DRC11: variants seen among roughly 807,000 people sequenced by gnomAD.
DRC11 encodes dynein regulatory complex subunit 11, also known as IQ and AAA domain-containing protein 1.
the DRC11 span, among the ~76,000 whole-genome samples, chr2:236,420,039 T>A: frequency 3.6e-4 from 55 of 152,310 alleles, 2 homozygotes; most frequent in South Asian, 4.1e-4. This position sits in a 1 kb window ranked among gnomAD's most constrained non-coding sequence, Gnocchi z 4.8. Context: ...GCATAAGCTC[T>A]CTGAGACTCA....
At chr2:236,451,223 T>C in the DRC11 span, among the ~76,000 whole-genome samples, 2 of 152,136 alleles carry the variant, frequency 1.3e-5, no homozygotes, top group Non-Finnish European at 2.9e-5. Flanking sequence ...TGGCACTAAT[T>C]ATATTAGGGG....
At chr2:236,383,217 G>C in the DRC11 span, among the ~76,000 whole-genome samples, 1 of 152,036 alleles carries the variant, frequency 6.6e-6, no homozygotes. Flanking sequence ...ATTTCTTCTA[G>C]GTTGTCCAAC....
chr2:236,323,096 A>T, the DRC11 span, among the ~76,000 whole-genome samples: 27 of 152,350 alleles, frequency 1.8e-4, no homozygotes, highest in Non-Finnish European at 2.5e-4. The surrounding 1 kb of genome is among the most constrained non-coding windows in gnomAD (Gnocchi z 6.4). Context: ...TATTTTAAAA[A>T]ACGGTTTACT....
the DRC11 span, among the ~76,000 whole-genome samples, chr2:236,349,341 G>A: frequency 6.6e-6 from 1 of 152,148 alleles, no homozygotes; most frequent in East Asian, 1.9e-4. This position sits in a 1 kb window ranked among gnomAD's most constrained non-coding sequence, Gnocchi z 5.5. Context: ...AAAATGAGAC[G>A]TTGTATGTAA....
chr2:236,314,950 A>C, the DRC11 span, among the ~76,000 whole-genome samples: 3 of 152,206 alleles, frequency 2.0e-5, no homozygotes, highest in African/African-American at 7.2e-5. The surrounding 1 kb of genome is among the most constrained non-coding windows in gnomAD (Gnocchi z 4.5). Context: ...GCTGATTATA[A>C]ATTCCTTTAG....
At chr2:236,460,847 C>A in the DRC11 span, among the ~76,000 whole-genome samples, 1 of 152,164 alleles carries the variant, frequency 6.6e-6, no homozygotes, top group African/African-American at 2.4e-5. The surrounding 1 kb of genome is among the most constrained non-coding windows in gnomAD (Gnocchi z 4.0). Context: ...CTCCACCTCC[C>A]AGGTTCAAGC....
At chr2:236,438,566 T>C in the DRC11 span, among the ~76,000 whole-genome samples, 1 of 152,022 alleles carries the variant, frequency 6.6e-6, no homozygotes, top group Non-Finnish European at 1.5e-5. Flanking sequence ...TGATTCTTCC[T>C]ACCCATGAGC....
the DRC11 span, among the ~76,000 whole-genome samples, chr2:236,429,346 C>A: frequency 6.6e-6 from 1 of 152,198 alleles, no homozygotes; most frequent in Non-Finnish European, 1.5e-5. The surrounding 1 kb of genome is among the most constrained non-coding windows in gnomAD (Gnocchi z 5.9). Context: ...AGCTGCAGGT[C>A]ATCAACACCA....
the DRC11 span, among the ~76,000 whole-genome samples, chr2:236,434,411 T>C: frequency 2.6e-5 from 4 of 152,360 alleles, 1 homozygote; most frequent in Admixed American, 2.6e-4. This position sits in a 1 kb window ranked among gnomAD's most constrained non-coding sequence, Gnocchi z 5.5. Flanking sequence ...TAGTAACAAC[T>C]GCTACGATTT....
chr2:236,381,513 G>A, the DRC11 span, among the ~76,000 whole-genome samples: 1 of 152,124 alleles, frequency 6.6e-6, no homozygotes, highest in Non-Finnish European at 1.5e-5. The surrounding 1 kb of genome is among the most constrained non-coding windows in gnomAD (Gnocchi z 5.8). Context: ...AATTTCTGTT[G>A]TTTATAAATT....
At chr2:236,319,626 C>T in the DRC11 span, among the ~76,000 whole-genome samples, 4 of 152,116 alleles carry the variant, frequency 2.6e-5, no homozygotes, top group Admixed American at 6.5e-5. This position sits in a 1 kb window ranked among gnomAD's most constrained non-coding sequence, Gnocchi z 6.7. Flanking sequence ...GGTTCCCAAT[C>T]GACTCCCCAA....
chr2:236,388,984 G>T, the DRC11 span, among the ~76,000 whole-genome samples: 2 of 152,064 alleles, frequency 1.3e-5, no homozygotes, highest in Non-Finnish European at 2.9e-5. Context: ...GGGGGTCAGG[G>T]GTCAGGGACC....
the DRC11 span, among the ~76,000 whole-genome samples, chr2:236,491,029 G>GTATATATATATA: frequency 7.4e-6 from 1 of 135,716 alleles, no homozygotes; most frequent in Non-Finnish European, 1.5e-5. Flanking sequence ...ATATATATGT[G>GTATATATATATA]TGTATATATA....
At chr2:236,331,326 T>A in the DRC11 span, 1 of 1,459,296 alleles carries the variant, frequency 6.9e-7, no homozygotes, top group South Asian at 1.1e-5. This position sits in a 1 kb window ranked among gnomAD's most constrained non-coding sequence, Gnocchi z 4.8. Flanking sequence ...GAGTGTCTGC[T>A]GCTAAGACTT....
At chr2:236,478,500 G>A in the DRC11 span, among the ~76,000 whole-genome samples, 4 of 152,164 alleles carry the variant, frequency 2.6e-5, no homozygotes, top group African/African-American at 7.2e-5. The surrounding 1 kb of genome is among the most constrained non-coding windows in gnomAD (Gnocchi z 5.9). Context: ...AGCAAAATGT[G>A]TATTCTGCAG....
the DRC11 span, among the ~76,000 whole-genome samples, chr2:236,425,889 T>G: frequency 6.6e-6 from 1 of 152,016 alleles, no homozygotes; most frequent in African/African-American, 2.4e-5. Context: ...TCAAAGAGAC[T>G]TATCCTTCTT....
the DRC11 span, among the ~76,000 whole-genome samples, chr2:236,496,815 C>T: frequency 5.3e-5 from 8 of 152,128 alleles, no homozygotes; most frequent in Non-Finnish European, 7.4e-5. The surrounding 1 kb of genome is among the most constrained non-coding windows in gnomAD (Gnocchi z 6.3). Context: ...GAGGAGCGGG[C>T]GCTGCTACTG....
chr2:236,336,998 G>A, the DRC11 span, among the ~76,000 whole-genome samples: 1 of 152,158 alleles, frequency 6.6e-6, no homozygotes, highest in Non-Finnish European at 1.5e-5. This position sits in a 1 kb window ranked among gnomAD's most constrained non-coding sequence, Gnocchi z 7.3. Flanking sequence ...AACCCGTCGT[G>A]GGACCCAGCT....
the DRC11 span, among the ~76,000 whole-genome samples, chr2:236,373,540 C>T: frequency 3.9e-5 from 6 of 152,324 alleles, no homozygotes; most frequent in South Asian, 2.1e-4. Flanking sequence ...CATGAACCAC[C>T]GCGCTTGACC....
Sources: allele counts gnomAD v4.1 joint callset (sites outside exome capture counted in the v4.1 genomes callset), GRCh38; gene constraint gnomAD v4.1.1; non-coding constraint Gnocchi (gnomAD v3.1); transcripts MANE v1.5; gene names NCBI Gene and HGNC (gene_info 2026-07-23, HGNC 2026-07-21).